The following EFHD1 variants were observed in gnomAD, a reference collection of about 807,000 sequenced individuals.
EFHD1 encodes EF-hand domain family member D1, also known as EF-hand domain-containing protein D1.
Under a neutral mutation model 17.2 loss-of-function variants are expected in EFHD1, and 10 were observed. That is an observed-to-expected ratio of 0.58 (90% CI 0.36 to 0.99). The LOEUF (loss-of-function observed/expected upper bound fraction) is 0.99. EFHD1 is among the 50% of genes least tolerant of loss of function. The pLI is 0.01. For synonymous variants in EFHD1, 153 were observed against 142.0 expected, an observed-to-expected ratio of 1.08 and a Z score of -0.55; for missense variants, 310 against 327.5, an observed-to-expected ratio of 0.95 and a Z score of 0.41.
intron 2 of EFHD1, among the ~76,000 whole-genome samples, chr2:232,669,087 C>G (rs947703910): frequency 6.6e-6 from 1 of 152,164 alleles, no homozygotes; most frequent in African/African-American, 2.4e-5. Context: ...ACCAGTATGT[C>G]AGTCCCTCTC....
At chr2:232,615,141 C>G (rs1329341377) in intron 1 of EFHD1, among the ~76,000 whole-genome samples, 1 of 152,112 alleles carries the variant, frequency 6.6e-6, no homozygotes, top group Non-Finnish European at 1.5e-5. Context: ...ATGCACCCAC[C>G]ACCACTTACA....
chr2:232,621,931 GT>G (rs1694025291), intron 1 of EFHD1, among the ~76,000 whole-genome samples: 2 of 152,208 alleles, frequency 1.3e-5, no homozygotes, highest in Admixed American at 1.3e-4. Context: ...AGCCAGGATA[GT>G]TTATTATTAC....
At chr2:232,679,269 A>G (rs948482333) in intron 3 of EFHD1, among the ~76,000 whole-genome samples, 1 of 152,216 alleles carries the variant, frequency 6.6e-6, no homozygotes, top group Admixed American at 6.5e-5. Context: ...TCAAAATTTT[A>G]AATATGTATA....
intron 1 of EFHD1, among the ~76,000 whole-genome samples, chr2:232,606,397 A>G (rs892787583): frequency 6.6e-6 from 1 of 151,250 alleles, no homozygotes; most frequent in Middle Eastern, 3.4e-3. Context: ...TAAACTCGAA[A>G]CTCTTGAGAG....
At chr2:232,638,968 G>A (rs113305302) in intron 1 of EFHD1, among the ~76,000 whole-genome samples, 4,719 of 152,264 alleles carry the variant, frequency 0.031, 106 homozygotes, top group South Asian at 0.08. Context: ...TTAGTTTCTG[G>A]CAGAAAGACC....
At chr2:232,649,655 C>T (rs1466490528) in intron 1 of EFHD1, among the ~76,000 whole-genome samples, 1 of 152,134 alleles carries the variant, frequency 6.6e-6, no homozygotes, top group Non-Finnish European at 1.5e-5. Context: ...GGGCCTGTGT[C>T]CTGTGCAAGG....
Position 232,618,644 on chromosome 2 carries a change from G to A in EFHD1, c.14+12471G>A, listed in dbSNP as rs532962847. ...AGGCTGAGGTAAGAGGATTGCTTGA[G>A]CCTAGGAGGTAGAGGCTGCAGTGAG... On this transcript the variant is annotated intron_variant, in intron 1 of 3. Transcript: ENST00000409613. Among the ~76,000 whole-genome samples the A allele has an allele frequency of 2.6e-4, 39 of 150,516 alleles. 1 individual carries two copies. The highest frequency in any genetic ancestry group is 9.5e-4 in the African/African-American group (39 of 40,984).
Position 232,633,897 on chromosome 2 carries a change from A to G in EFHD1, c.193A>G (p.Ile65Val), listed in dbSNP as rs1157930340. The change falls in exon 1 of 4, where the codon ATC (isoleucine) becomes GTC (valine). Residue 65 changes from isoleucine to valine, a missense_variant. Transcript: ENST00000264059. ...CGCCCAGCTGAGCCGGCGGCTGGAC[A>G]TCAACGAGGGCGCTGCGCGGCCCCG... ...LSAQLSRRLD[I>V]NEGAARPRRC... 6.4e-7 allele frequency: 1 copy of G among 1,569,720 alleles called. No individual in the cohort carries two copies. Among genetic ancestry groups the G allele is most frequent in the East Asian group, 2.5e-5 (1 of 40,650 alleles).
rs114566848 is a variant in EFHD1 at position 232,641,557 on chromosome 2, T to A, written c.302+7551T>A. Among the ~76,000 whole-genome samples the A allele has an allele frequency of 4.9e-3, 741 of 152,308 alleles. 3 individuals carry two copies. Among genetic ancestry groups the A allele is most frequent in the African/African-American group, 0.016 (682 of 41,568 alleles). On this transcript the variant is annotated intron_variant, in intron 1 of 3. Coordinates refer to ENST00000264059, the MANE Select transcript of EFHD1 (RefSeq NM_025202.4). ...GTTCTGTTAAGGGTCAGATAATCCATCTGTTTGGCTTTGGGCCCTAAGGTT... is the reference window on the plus strand; with the variant it reads ...GTTCTGTTAAGGGTCAGATAATCCAACTGTTTGGCTTTGGGCCCTAAGGTT...
rs751136441 is a variant in EFHD1 at position 232,633,884 on chromosome 2, C to A, written c.180C>A (p.Ser60Arg). Residue 60 changes from serine to arginine, a missense_variant, in exon 1 of 4, where the codon AGC becomes AGA. Transcript: ENST00000264059. ...ACGCGGAGCTGAGCGCCCAGCTGAG[C>A]CGGCGGCTGGACATCAACGAGGGCG... The part of the protein sequence containing the change: ...SADAELSAQL[S>R]RRLDINEGAA... The A allele has an allele frequency of 5.8e-6, 9 of 1,545,800 alleles. No individual in the cohort carries two copies. The highest frequency in any genetic ancestry group is 5.6e-5 in the African/African-American group (4 of 71,246).
upstream of EFHD1, among the ~76,000 whole-genome samples, chr2:232,630,795 A>G (rs1456870169): frequency 7.3e-6 from 1 of 137,176 alleles, no homozygotes; most frequent in Non-Finnish European, 1.6e-5. Context: ...AAAAAAAAAA[A>G]AAAAAGAAAG....
At chr2:232,631,927 C>T (rs1409144932), upstream of EFHD1, among the ~76,000 whole-genome samples, 1 of 151,256 alleles carries the variant, frequency 6.6e-6, no homozygotes, top group Non-Finnish European at 1.5e-5. Context: ...CACTTGAACC[C>T]AGGAGGCAGG....
chr2:232,607,929 A>AT (rs35873246), intron 1 of EFHD1, among the ~76,000 whole-genome samples: 78,197 of 150,782 alleles, frequency 0.52, 21,544 homozygotes, highest in African/African-American at 0.68. Flanking sequence ...CCCTGTCTCT[A>AT]TTTTTTTTAA....
At position 232,611,089 on chromosome 2, in the gene EFHD1, G is replaced by A. The variant is rs1410397793; in HGVS notation, c.14+4916G>A. Among the ~76,000 whole-genome samples, 7 of 152,306 alleles carry A rather than the reference G, an allele frequency of 4.6e-5. 1 individual carries two copies. In the South Asian group the frequency reaches 1.5e-3, roughly 32 times the overall value. ...GATACTCAGGAGGCTGAGATGAGGG[G>A]ATCCCTTGAGCCCAGAAGGTTGAGG... On this transcript the variant is annotated intron_variant, in intron 1 of 3. Coordinates refer to the EFHD1 transcript ENST00000409613.
rs1010482864 is a variant in EFHD1 at position 232,682,545 on chromosome 2, G to A, written c.*826G>A. On this transcript the variant is annotated 3_prime_UTR_variant, in exon 4 of 4. Coordinates refer to ENST00000264059, the MANE Select transcript of EFHD1 (RefSeq NM_025202.4). ...CTGACGTTCCCAAGTGACAGATCCA[G>A]GGCCTTTCAAACATCCCCAAAGTCA... The A allele has an allele frequency of 1.6e-4, 24 of 152,284 alleles. No homozygotes were observed. Among genetic ancestry groups the A allele is most frequent in the African/African-American group, 5.8e-4 (24 of 41,526 alleles). The allele number at this position is 152,284 out of a possible 1,614,324, so 9.4% of individuals were successfully genotyped here. A position where few individuals can be genotyped will look rare whatever the true frequency, so the allele number is the denominator to read the frequency against.
intron 1 of EFHD1, among the ~76,000 whole-genome samples, chr2:232,656,520 G>A (rs1334051309): frequency 1.3e-5 from 2 of 150,488 alleles, no homozygotes; most frequent in South Asian, 2.1e-4. Context: ...TTGCAGCCTC[G>A]ACCTCCCAGG....
intron 1 of EFHD1, among the ~76,000 whole-genome samples, chr2:232,621,802 G>A (rs879337876): frequency 4.6e-5 from 7 of 152,096 alleles, no homozygotes; most frequent in Non-Finnish European, 1.0e-4. Flanking sequence ...GTTCAAAGAA[G>A]TTAAGTAACT....
At chr2:232,626,002 C>T (rs1694098436) in intron 1 of EFHD1, among the ~76,000 whole-genome samples, 1 of 151,920 alleles carries the variant, frequency 6.6e-6, no homozygotes, top group South Asian at 2.1e-4. Context: ...TCAACCTAGG[C>T]AACATGGCAA....
upstream of EFHD1, among the ~76,000 whole-genome samples, chr2:232,629,055 A>T (rs1430554390): frequency 6.6e-6 from 1 of 152,164 alleles, no homozygotes; most frequent in Non-Finnish European, 1.5e-5. Flanking sequence ...CATGTGAGGG[A>T]GGGAGTCTGC....
Sources: gnomAD v4.1 joint callset for allele counts (sites outside exome capture counted in the v4.1 genomes callset) on GRCh38, gnomAD v4.1.1 for gene constraint, MANE v1.5 for transcripts, NCBI Gene and HGNC (gene_info 2026-07-23, HGNC 2026-07-21) for gene names.